The following ARSB variants were observed in gnomAD, a reference collection of about 807,000 sequenced individuals.
ARSB encodes the protein arylsulfatase B, also known as N-acetylgalactosamine-4-sulfatase.
In ARSB, 41 loss-of-function variants were observed where a neutral mutation model predicts 50.9. The ratio of observed to expected loss-of-function variants is 0.81; its 90% confidence interval spans 0.63 to 1.04. The LOEUF (loss-of-function observed/expected upper bound fraction) is 1.04, where lower values mean the gene tolerates loss of function less well. ARSB is among the 50% of genes least tolerant of loss of function. ARSB has a pLI of 0.00. For missense variants in ARSB, 672 were observed against 693.3 expected, an observed-to-expected ratio of 0.97 and a Z score of 0.35; for synonymous variants, 269 against 284.8, an observed-to-expected ratio of 0.94 and a Z score of 0.56.
At chr5:78,936,037 C>A (rs1188495068) in intron 4 of ARSB, among the ~76,000 whole-genome samples, 1 of 115,954 alleles carries the variant, frequency 8.6e-6, no homozygotes, top group Non-Finnish European at 1.8e-5. Flanking sequence ...CCCCCCCCAC[C>A]TCCCTCCCTC....
chr5:78,889,183 A>C (rs537856386), intron 4 of ARSB, among the ~76,000 whole-genome samples: 74 of 152,368 alleles, frequency 4.9e-4, no homozygotes, highest in African/African-American at 1.7e-3. Context: ...AAAGAATTCA[A>C]CATAAAACTG....
intron 5 of ARSB, among the ~76,000 whole-genome samples, chr5:78,877,991 G>A (rs1231103872): frequency 6.6e-5 from 10 of 152,064 alleles, no homozygotes; most frequent in African/African-American, 2.4e-4. Context: ...AAAATACATT[G>A]CATGAAATTG....
At chr5:78,867,546 C>A (rs1312929352) in intron 5 of ARSB, among the ~76,000 whole-genome samples, 2 of 152,038 alleles carry the variant, frequency 1.3e-5, no homozygotes, top group African/African-American at 2.4e-5. Context: ...AGGCACCCCC[C>A]AGCAGGGGCA....
At chr5:78,869,871 A>G (rs1747033299) in intron 5 of ARSB, among the ~76,000 whole-genome samples, 1 of 150,830 alleles carries the variant, frequency 6.6e-6, no homozygotes, top group South Asian at 2.1e-4. Context: ...CAATGAATCC[A>G]GGAGCTGGTT....
intron 6 of ARSB, among the ~76,000 whole-genome samples, chr5:78,799,748 A>G (rs930810011): frequency 3.3e-5 from 5 of 152,242 alleles, no homozygotes; most frequent in Non-Finnish European, 7.3e-5. Context: ...ATGGTACCCT[A>G]CAAAGGTGTA....
At chr5:78,934,914 T>A (rs748877399) in intron 4 of ARSB, among the ~76,000 whole-genome samples, 3 of 152,148 alleles carry the variant, frequency 2.0e-5, no homozygotes, top group Non-Finnish European at 4.4e-5. Context: ...TAATAATACA[T>A]GGCAAATAGA....
intron 6 of ARSB, among the ~76,000 whole-genome samples, chr5:78,793,171 G>C (rs924139231): frequency 1.3e-5 from 2 of 152,176 alleles, no homozygotes; most frequent in African/African-American, 4.8e-5. Flanking sequence ...GATGGTCTTT[G>C]CACAGCTATT....
chr5:78,868,219 C>T (rs987869085), intron 5 of ARSB, among the ~76,000 whole-genome samples: 2 of 139,058 alleles, frequency 1.4e-5, no homozygotes, highest in Non-Finnish European at 3.1e-5. Context: ...GAGAATGGAA[C>T]CAAGTTGGCA....
At position 78,843,926 on chromosome 5, in the gene ARSB, A is replaced by T. The variant is rs1021683663; in HGVS notation, c.1143-4500T>A. Reference sequence around the variant, plus strand: ...GGCTAAATAATATCCCATTGCTTGAAGATATCACATTTTCTTTATCCATTT... The same window carrying T: ...GGCTAAATAATATCCCATTGCTTGATGATATCACATTTTCTTTATCCATTT... On this transcript the variant is annotated intron_variant, in intron 5 of 7. Transcript: ENST00000264914. 3.3e-5 allele frequency among the ~76,000 whole-genome samples: 5 copies of T among 152,224 alleles called. No individual in the cohort carries two copies. The East Asian group carries it at 9.6e-4, about 29-fold the overall frequency.
intron 6 of ARSB, among the ~76,000 whole-genome samples, chr5:78,798,823 C>T (rs902486879): frequency 6.6e-6 from 1 of 152,164 alleles, no homozygotes; most frequent in Non-Finnish European, 1.5e-5. Flanking sequence ...AATTACAGTG[C>T]AGAAAACTGA....
At chr5:78,868,552 C>T (rs1376588423) in intron 5 of ARSB, among the ~76,000 whole-genome samples, 1 of 137,066 alleles carries the variant, frequency 7.3e-6, no homozygotes, top group Non-Finnish European at 1.6e-5. Context: ...ATTTCATATC[C>T]AGCCAAACTA....
At chr5:78,820,192 C>A (rs1744157951) in intron 6 of ARSB, among the ~76,000 whole-genome samples, 1 of 152,148 alleles carries the variant, frequency 6.6e-6, no homozygotes, top group Non-Finnish European at 1.5e-5. Context: ...TCTGCCGGCA[C>A]CTCAGTCTTA....
chr5:78,865,926 A>C (rs1455101912), intron 5 of ARSB, among the ~76,000 whole-genome samples: 3 of 152,204 alleles, frequency 2.0e-5, no homozygotes, highest in Non-Finnish European at 4.4e-5. Flanking sequence ...TTCATTGTCC[A>C]TATTGCTATC....
At chr5:78,803,113 A>G (rs1743454509) in intron 6 of ARSB, among the ~76,000 whole-genome samples, 1 of 152,238 alleles carries the variant, frequency 6.6e-6, no homozygotes, top group African/African-American at 2.4e-5. Context: ...TGAATGCAAT[A>G]AAGAGGCTTC....
intron 1 of ARSB, among the ~76,000 whole-genome samples, chr5:78,976,116 C>A (rs1019820982): frequency 2.0e-5 from 3 of 151,808 alleles, no homozygotes; most frequent in African/African-American, 7.3e-5. Context: ...GCATAACATG[C>A]CTCCAAGCGA....
At chr5:78,892,782 G>A (rs531106938) in intron 4 of ARSB, among the ~76,000 whole-genome samples, 2 of 152,180 alleles carry the variant, frequency 1.3e-5, no homozygotes, top group African/African-American at 2.4e-5. Flanking sequence ...ATTATTCGTA[G>A]GGGTTTAAAA....
intron 4 of ARSB, among the ~76,000 whole-genome samples, chr5:78,914,243 G>A (rs991836023): frequency 3.3e-5 from 5 of 152,036 alleles, no homozygotes; most frequent in African/African-American, 1.2e-4. Flanking sequence ...GGGATTACAA[G>A]CATGAACCAC....
At chr5:78,935,223 G>A (rs1337682833) in intron 4 of ARSB, among the ~76,000 whole-genome samples, 1 of 152,006 alleles carries the variant, frequency 6.6e-6, no homozygotes, top group Non-Finnish European at 1.5e-5. Flanking sequence ...GAAATAATGA[G>A]GTTCTCAAAA....
chr5:78,841,162 C>CTAATAATAA (rs1427792909), intron 5 of ARSB, among the ~76,000 whole-genome samples: 21 of 97,676 alleles, frequency 2.1e-4, no homozygotes, highest in Non-Finnish European at 3.7e-4. Flanking sequence ...ACTACTACTA[C>CTAATAATAA]TACTACTAAT....
Sources: allele counts gnomAD v4.1 joint callset (sites outside exome capture counted in the v4.1 genomes callset), GRCh38; gene constraint gnomAD v4.1.1; transcripts MANE v1.5; gene names NCBI Gene and HGNC (gene_info 2026-07-23, HGNC 2026-07-21).